DIAPH3: variants seen among roughly 807,000 people sequenced by gnomAD.
DIAPH3 encodes the protein diaphanous related formin 3.
A neutral mutation model predicts 144.3 loss-of-function variants in DIAPH3; 117 were observed. That is an observed-to-expected ratio of 0.81 (90% confidence interval 0.70 to 0.95). The LOEUF (loss-of-function observed/expected upper bound fraction) is 0.95. Ranked by LOEUF, DIAPH3 falls within the 40% of genes least tolerant of loss-of-function variation. DIAPH3 has a pLI of 0.00. For missense variants in DIAPH3, 1,421 were observed against 1,412.7 expected, an observed-to-expected ratio of 1.01 and a Z score of -0.09; for synonymous variants, 519 against 488.9, an observed-to-expected ratio of 1.06 and a Z score of -0.81.
At chr13:59,886,225 G>A (rs1388855023) in intron 20 of DIAPH3, among the ~76,000 whole-genome samples, 1 of 152,036 alleles carries the variant, frequency 6.6e-6, no homozygotes, top group African/African-American at 2.4e-5. Flanking sequence ...TGATGCAGGA[G>A]TTGAGATTCA....
intron 5 of DIAPH3, chr13:60,021,068 A>C (rs1424091232): frequency 1.3e-5 from 2 of 152,264 alleles, no homozygotes; most frequent in East Asian, 3.9e-4. Flanking sequence ...ATGGGAGGGC[A>C]TAAAAGGACT....
chr13:59,875,149 T>C (rs1004144286), intron 21 of DIAPH3, among the ~76,000 whole-genome samples: 2 of 152,158 alleles, frequency 1.3e-5, no homozygotes, highest in African/African-American at 4.8e-5. Flanking sequence ...TTTGGTCAGA[T>C]AAGCATCTAC....
At chr13:60,156,939 A>ATATTTT (rs1337230427) in intron 1 of DIAPH3, among the ~76,000 whole-genome samples, 1 of 82,070 alleles carries the variant, frequency 1.2e-5, no homozygotes. Flanking sequence ...ATATATATAT[A>ATATTTT]TTTTTTTTTT....
intron 9 of DIAPH3, among the ~76,000 whole-genome samples, chr13:60,001,285 T>C (rs1319637087): frequency 2.0e-5 from 3 of 152,146 alleles, no homozygotes; most frequent in Non-Finnish European, 4.4e-5. Context: ...ACCTACACTT[T>C]ACTAAGAGGT....
rs1379963674 is a variant in DIAPH3 at position 60,015,928 on chromosome 13, G to T, written c.756C>A (p.Ala252=). Residue 252 remains alanine (A), a synonymous_variant, in exon 7 of 28, where the codon GCC becomes GCA. Transcript: ENST00000400324. ...NQHKVIQCLK[A]LMNTQYGLER... is the part of the protein sequence containing the mutation. Reference sequence around the variant, plus strand: ...ATGTACATACCTGCGTATTCATCAGGGCTTTTAGACACTGTATGACTTTAT... The same window carrying T: ...ATGTACATACCTGCGTATTCATCAGTGCTTTTAGACACTGTATGACTTTAT... 3 of 1,612,800 alleles carry T rather than the reference G, an allele frequency of 1.9e-6. No individual in the cohort carries two copies. The African/African-American group carries it at 4.0e-5, about 22-fold the overall frequency.
chr13:59,739,074 C>T (rs1175721717), intron 27 of DIAPH3, among the ~76,000 whole-genome samples: 1 of 152,182 alleles, frequency 6.6e-6, no homozygotes, highest in Non-Finnish European at 1.5e-5. Flanking sequence ...CCTCCCATCT[C>T]TCCTGATCAT....
chr13:60,107,737 T>C (rs1378412876), intron 3 of DIAPH3, among the ~76,000 whole-genome samples: 2 of 152,198 alleles, frequency 1.3e-5, no homozygotes, highest in Non-Finnish European at 1.5e-5. Context: ...AACATCACTA[T>C]TCATACTTAA....
intron 12 of DIAPH3, among the ~76,000 whole-genome samples, chr13:59,988,328 T>C (rs1390607086): frequency 1.3e-5 from 2 of 151,914 alleles, no homozygotes; most frequent in African/African-American, 4.8e-5. Context: ...TTACATCTAT[T>C]ACATTTAAAA....
chr13:59,970,352 T>C (rs192165599), intron 16 of DIAPH3, among the ~76,000 whole-genome samples: 1 of 152,292 alleles, frequency 6.6e-6, no homozygotes, highest in African/African-American at 2.4e-5. Flanking sequence ...GCACTATACA[T>C]TTTGGTGGGC....
chr13:59,881,608 A>G (rs1045210928), intron 20 of DIAPH3, among the ~76,000 whole-genome samples: 4 of 152,194 alleles, frequency 2.6e-5, no homozygotes, highest in African/African-American at 9.6e-5. Context: ...ATATGTAGCC[A>G]GCATAGAGTA....
intron 1 of DIAPH3, among the ~76,000 whole-genome samples, chr13:60,135,767 T>C (rs2059255841): frequency 6.6e-6 from 1 of 152,220 alleles, no homozygotes; most frequent in Admixed American, 6.5e-5. Flanking sequence ...CATAGTTATG[T>C]ACACACATGC....
At position 60,087,816 on chromosome 13, in the gene DIAPH3, G is replaced by C. The variant is rs148654610; in HGVS notation, c.495+5812C>G. Among the ~76,000 whole-genome samples, 1,346 of 150,826 alleles carry C rather than the reference G, an allele frequency of 8.9e-3. 10 individuals carry two copies. Among genetic ancestry groups the C allele is most frequent in the Non-Finnish European group, 0.013 (894 of 67,644 alleles). The stretch of plus-strand genomic sequence containing the variant: ...AAAAAAAACATAAATAGAAAATAAA[G>C]AATGGATGTTCTAATTAAGAATCTT... On this transcript the variant is annotated intron_variant, in intron 4 of 27. Coordinates refer to ENST00000400324, the MANE Select transcript of DIAPH3 (RefSeq NM_001042517.2).
chr13:59,756,633 T>A (rs12585298), intron 27 of DIAPH3, among the ~76,000 whole-genome samples: 1 of 151,804 alleles, frequency 6.6e-6, no homozygotes, highest in South Asian at 2.1e-4. Flanking sequence ...GATGGCATCA[T>A]GTAGACTAAG....
chr13:59,786,366 T>C (rs190371381), intron 25 of DIAPH3, among the ~76,000 whole-genome samples: 387 of 152,278 alleles, frequency 2.5e-3, no homozygotes, highest in Non-Finnish European at 4.3e-3. Flanking sequence ...TTGGATGTCA[T>C]GAATAAACTA....
chr13:60,108,667 G>T (rs1025131430), intron 3 of DIAPH3, among the ~76,000 whole-genome samples: 4 of 152,006 alleles, frequency 2.6e-5, no homozygotes, highest in African/African-American at 9.7e-5. Context: ...CATGGAGGGA[G>T]ATAAATGGCA....
At chr13:60,117,670 A>G (rs369662325) in intron 2 of DIAPH3, among the ~76,000 whole-genome samples, 17 of 152,234 alleles carry the variant, frequency 1.1e-4, no homozygotes, top group African/African-American at 3.6e-4. Flanking sequence ...CCATTCACAC[A>G]TGGAAAAATC....
chr13:59,971,194 A>G, intron 15 of DIAPH3, 34 bp from the exon 16 acceptor site: 1 of 1,543,374 alleles, frequency 6.5e-7, no homozygotes, highest in African/African-American at 1.4e-5. Context: ...CATAACTAAG[A>G]ACATATCTAC....
chr13:59,803,676 A>G (rs2040053249), intron 25 of DIAPH3, among the ~76,000 whole-genome samples: 1 of 152,178 alleles, frequency 6.6e-6, no homozygotes, highest in Non-Finnish European at 1.5e-5. Flanking sequence ...GAAGGGGACA[A>G]AGGATGGTGT....
At chr13:60,014,311 C>G (rs1436349183) in intron 7 of DIAPH3, among the ~76,000 whole-genome samples, 1 of 152,088 alleles carries the variant, frequency 6.6e-6, no homozygotes, top group Non-Finnish European at 1.5e-5. Flanking sequence ...CAATTTGATT[C>G]TTTCATTCAT....
Sources: gnomAD v4.1 joint callset for allele counts (sites outside exome capture counted in the v4.1 genomes callset) on GRCh38, gnomAD v4.1.1 for gene constraint, MANE v1.5 for transcripts, NCBI Gene and HGNC (gene_info 2026-07-23, HGNC 2026-07-21) for gene names.